HPD: variants seen among roughly 807,000 people sequenced by gnomAD.
The protein encoded by HPD is 4-hydroxyphenylpyruvic acid oxidase.
HPD carries 35 observed loss-of-function variants against 56.9 expected under a neutral mutation model. The ratio of observed to expected loss-of-function variants is 0.62; its 90% CI spans 0.47 to 0.82. HPD has a LOEUF of 0.82. Ranked by LOEUF, HPD falls within the 40% of genes least tolerant of loss-of-function variation. The probability of loss-of-function intolerance (pLI) is 0.00; values close to 1 mark genes in which losing one functional copy is unlikely to be tolerated. For synonymous variants in HPD, 186 were observed against 200.2 expected (o/e 0.93, Z 0.60); for missense variants, 442 against 506.8 (o/e 0.87, Z 1.23).
chr12:121,850,834 G>A (rs1877746381), intron 7 of HPD, among the ~76,000 whole-genome samples: 1 of 151,538 alleles, frequency 6.6e-6, no homozygotes, highest in African/African-American at 2.4e-5. Flanking sequence ...AAATAGCTGG[G>A]ACTACAAGCA....
At chr12:121,859,503 G>A (rs1878121244), upstream of HPD, among the ~76,000 whole-genome samples, 1 of 152,134 alleles carries the variant, frequency 6.6e-6, no homozygotes, top group African/African-American at 2.4e-5. Context: ...GTCAGCAAGC[G>A]GCAGGGAAGA....
chr12:121,858,792 A>T, intron 1 of HPD, 29 bp downstream of exon 1: 6 of 1,614,078 alleles, frequency 3.7e-6, no homozygotes, highest in Non-Finnish European at 5.1e-6. Flanking sequence ...AAGATGTCCC[A>T]CCCAAGGGGA....
At chr12:121,840,104 A>G (rs1877358971) in intron 12 of HPD, 56 bp from the exon 13 acceptor site, 2 of 1,201,702 alleles carry the variant, frequency 1.7e-6, no homozygotes, top group Non-Finnish European at 2.5e-6. Context: ...AGATCCTTGG[A>G]AAGTCCACAG....
chr12:121,882,154 G>A, the HPD span, among the ~76,000 whole-genome samples: 2 of 151,964 alleles, frequency 1.3e-5, no homozygotes, highest in African/African-American at 2.4e-5. Context: ...CCACCTTTAT[G>A]GCTGTCAGAG....
chr12:121,849,843 G>A (rs539329246), intron 7 of HPD, 53 bp from the exon 8 acceptor site: 9 of 1,190,080 alleles, frequency 7.6e-6, no homozygotes, highest in African/African-American at 1.5e-5. Flanking sequence ...CCCCGCCGAG[G>A]ACAGAGCACA....
chr12:121,860,110 A>T (rs1878136754), upstream of HPD, among the ~76,000 whole-genome samples: 1 of 152,192 alleles, frequency 6.6e-6, no homozygotes, highest in African/African-American at 2.4e-5. Flanking sequence ...GTGAGCAGTG[A>T]TCATGCCACT....
chr12:121,842,071 G>T (rs553919243), intron 12 of HPD, among the ~76,000 whole-genome samples: 2 of 152,046 alleles, frequency 1.3e-5, no homozygotes, highest in South Asian at 2.1e-4. Context: ...GGGGTGGGAG[G>T]GGGGAAGGGA....
In HPD at chr12:121,843,565, C is replaced by T. The variant is rs1035802593; in HGVS notation, c.954+145G>A. The stretch of plus-strand genomic sequence containing the variant: ...TTATTTGTTTGTCATCTGTCTCCTC[C>T]TCCCACATAGACCCTAGAATAAATG... On this transcript the variant is annotated intron_variant, in intron 12 of 13. Coordinates refer to ENST00000289004, the MANE Select transcript of HPD (RefSeq NM_002150.3). The T allele has an allele frequency of 1.2e-5, 11 of 909,090 alleles. No individual in the cohort carries two copies. In the South Asian group the frequency reaches 1.4e-4, roughly 12 times the overall value. The allele number at this position is 909,090 out of a possible 1,614,324, so 56.3% of individuals were successfully genotyped here.
At chr12:121,876,923 G>A in the HPD span, among the ~76,000 whole-genome samples, 5 of 151,284 alleles carry the variant, frequency 3.3e-5, no homozygotes, top group Admixed American at 2.0e-4. Flanking sequence ...GTGAAACCCC[G>A]TCTGTACTAA....
chr12:121,880,591 G>A, the HPD span, among the ~76,000 whole-genome samples: 40 of 152,258 alleles, frequency 2.6e-4, no homozygotes, highest in South Asian at 1.0e-3. Flanking sequence ...TTTGAATGTA[G>A]AGTTTAATGC....
At chr12:121,861,241 C>G (rs895532884), upstream of HPD, among the ~76,000 whole-genome samples, 6 of 151,478 alleles carry the variant, frequency 4.0e-5, no homozygotes, top group Non-Finnish European at 8.8e-5. Context: ...GAGGCTGAGA[C>G]AGGAGAATTG....
chr12:121,881,706 G>C, the HPD span, among the ~76,000 whole-genome samples: 13 of 151,486 alleles, frequency 8.6e-5, no homozygotes, highest in African/African-American at 3.1e-4. Flanking sequence ...GAGTGCAGTG[G>C]TGCGATCTTG....
upstream of HPD, among the ~76,000 whole-genome samples, chr12:121,865,096 C>T (rs1012086121): frequency 1.3e-5 from 2 of 151,838 alleles, no homozygotes; most frequent in African/African-American, 4.8e-5. Context: ...GGTGAAACCC[C>T]GTCTCTACTA....
At position 121,847,305 on chromosome 12, in the gene HPD, G is replaced by T. The variant is rs890317818; in HGVS notation, c.597-91C>A. 8 of 1,219,180 alleles carry T rather than the reference G, an allele frequency of 6.6e-6. No individual in the cohort carries two copies. The African/African-American group carries it at 1.2e-4, about 18-fold the overall frequency. 75.5% of individuals were successfully genotyped at this position (1,219,180 alleles called of 1,614,324 possible). On this transcript the variant is annotated intron_variant, in intron 9 of 13. Transcript: ENST00000289004. ...TCCACCTTCCAGAATCTGTCCCTGA[G>T]CAGGCTCCAGAAAGGAGATGCCACT...
intron 2 of HPD, 122 bp from the exon 3 acceptor site, chr12:121,857,941 C>A (rs529871923): frequency 2.6e-6 from 2 of 767,504 alleles, no homozygotes; most frequent in Non-Finnish European, 4.6e-6. Context: ...TTAGGAGCAG[C>A]GGAACCCCAT....
chr12:121,869,936 T>C, the HPD span, among the ~76,000 whole-genome samples: 1 of 152,154 alleles, frequency 6.6e-6, no homozygotes, highest in Non-Finnish European at 1.5e-5. Flanking sequence ...AGAAGTGGGC[T>C]GATTATTATT....
intron 6 of HPD, 23 bp from the exon 7 acceptor site, chr12:121,854,815 GA>G (rs1877937139): frequency 6.3e-7 from 1 of 1,578,662 alleles, no homozygotes; most frequent in Non-Finnish European, 8.7e-7. Flanking sequence ...TGGGATCGGG[GA>G]ATTGGTGAGG....
intron 7 of HPD, among the ~76,000 whole-genome samples, chr12:121,851,320 T>A (rs1284924601): frequency 6.6e-6 from 1 of 151,418 alleles, no homozygotes; most frequent in African/African-American, 2.4e-5. Flanking sequence ...TATGTTTAAT[T>A]TAATTTTTTA....
chr12:121,867,342 A>T (rs2137646516), upstream of HPD, among the ~76,000 whole-genome samples: 1 of 138,346 alleles, frequency 7.2e-6, no homozygotes, highest in South Asian at 2.4e-4. Flanking sequence ...ACAGAGAGAG[A>T]CCCTGTCTCA....
Sources: gnomAD v4.1 joint callset for allele counts (sites outside exome capture counted in the v4.1 genomes callset) on GRCh38, gnomAD v4.1.1 for gene constraint, MANE v1.5 for transcripts, NCBI Gene and HGNC (gene_info 2026-07-23, HGNC 2026-07-21) for gene names.